The following HPSE variants were observed in gnomAD, a reference collection of about 807,000 sequenced individuals.
HPSE encodes heparanase.
HPSE carries 48 observed loss-of-function variants against 65.1 expected under a neutral mutation model. The ratio of observed to expected loss-of-function variants is 0.74; its 90% CI spans 0.58 to 0.94. The LOEUF is 0.94. HPSE is among the 40% of genes least tolerant of loss of function. The pLI is 0.00. For synonymous variants in HPSE, 243 were observed against 260.0 expected, an observed-to-expected ratio of 0.93 and a Z score of 0.63; for missense variants, 644 against 637.5, an observed-to-expected ratio of 1.01 and a Z score of -0.11.
intron 9 of HPSE, among the ~76,000 whole-genome samples, chr4:83,304,916 G>C (rs1736095517): frequency 6.6e-6 from 1 of 152,064 alleles, no homozygotes; most frequent in African/African-American, 2.4e-5. Context: ...GAGTAACATA[G>C]GACTACAGTA....
chr4:83,334,521 A>C (rs1182867554), intron 1 of HPSE, 35 bp downstream of exon 1: 2 of 1,542,192 alleles, frequency 1.3e-6, no homozygotes, highest in Non-Finnish European at 1.8e-6. Context: ...TCAGGAGGAC[A>C]GGAAAGGGGA....
At chr4:83,322,789 TTGTGTGTGTGTGTGTGTGTGTG>T (rs386400677) in intron 1 of HPSE, among the ~76,000 whole-genome samples, 1 of 104,004 alleles carries the variant, frequency 9.6e-6, no homozygotes, top group African/African-American at 3.7e-5. Context: ...AAGAGCTTGT[TTGTGTGTGTGTGTGTGTGTGTG>T]TGTGTGTGTG....
chr4:83,322,384 G>A lies in HPSE; in HGVS notation c.228-20C>T. 6.3e-7 allele frequency: 1 copy of A among 1,591,282 alleles called. No individual in the cohort carries two copies. The highest frequency in any genetic ancestry group is 1.8e-5 in the Admixed American group (1 of 54,534). On this transcript the variant is annotated intron_variant, in intron 1 of 11. Transcript: ENST00000311412. ...GGAGAACTGTTAGGAAGACAAGCAA[G>A]AAAGTATAACTATTTTTTCCAAGAC...
At chr4:83,321,843 A>G (rs911154102) in intron 2 of HPSE, among the ~76,000 whole-genome samples, 5 of 152,088 alleles carry the variant, frequency 3.3e-5, no homozygotes, top group African/African-American at 1.2e-4. Context: ...CCTTCAATCT[A>G]TCATTGTGTC....
chr4:83,319,609 G>T lies in HPSE; in HGVS notation c.374-140C>A, dbSNP rs554435865. 63 of 823,286 alleles carry T rather than the reference G, an allele frequency of 7.7e-5. 1 individual carries two copies. The East Asian group carries it at 1.7e-3, about 22-fold the overall frequency. 51.0% of individuals were successfully genotyped at this position (823,286 alleles called of 1,614,324 possible). A position where few individuals can be genotyped will look rare whatever the true frequency, so the allele number is the denominator to read the frequency against. ...TTATGAGGTAGGAGAGCAGAGAAAA[G>T]GTATATTCTGTAACACATGTCAAAT... On this transcript the variant is annotated intron_variant, in intron 2 of 11. Coordinates refer to ENST00000311412, the MANE Select transcript of HPSE (RefSeq NM_001098540.3).
chr4:83,320,141 G>T (rs1736829837), intron 2 of HPSE, among the ~76,000 whole-genome samples: 1 of 151,846 alleles, frequency 6.6e-6, no homozygotes, highest in Non-Finnish European at 1.5e-5. Flanking sequence ...TGTTTTACAT[G>T]GACTGTATCT....
chr4:83,295,246 G>T lies in HPSE; in HGVS notation c.*98C>A. ...CCCAGTGTCTCTCAAGCACCCACTA[G>T]TTGCTTTGCAAGGTATCTGCTTCCT... On this transcript the variant is annotated 3_prime_UTR_variant, in exon 12 of 12. Coordinates refer to ENST00000311412, the MANE Select transcript of HPSE (RefSeq NM_001098540.3). 1 of 1,022,200 alleles carries T rather than the reference G, an allele frequency of 9.8e-7. No individual in the cohort carries two copies. 63.3% of individuals were successfully genotyped at this position (1,022,200 alleles called of 1,614,324 possible).
rs576882288 is a variant in HPSE at position 83,330,243 on chromosome 4, T to C, written c.227+4313A>G. ...ATATGCAGCCATTACTCAAAAGGGC[T>C]ACAGGGAAGACAGTGTCATCAGAGA... On this transcript the variant is annotated intron_variant, in intron 1 of 11. Coordinates refer to ENST00000311412, the MANE Select transcript of HPSE (RefSeq NM_001098540.3). 1.6e-4 allele frequency among the ~76,000 whole-genome samples: 25 copies of C among 152,308 alleles called. No individual in the cohort carries two copies. In the South Asian group the frequency reaches 5.2e-3, roughly 32 times the overall value.
chr4:83,325,020 T>C (rs921404495), intron 1 of HPSE, among the ~76,000 whole-genome samples: 5 of 152,178 alleles, frequency 3.3e-5, no homozygotes, highest in Non-Finnish European at 7.4e-5. Flanking sequence ...TATGCCAGGA[T>C]GATAGCAATG....
intron 8 of HPSE, among the ~76,000 whole-genome samples, chr4:83,307,155 GTAA>G (rs747499962): frequency 5.3e-5 from 8 of 152,174 alleles, no homozygotes; most frequent in Non-Finnish European, 1.0e-4. Context: ...ACTGATTTGA[GTAA>G]TAATAAAACT....
chr4:83,318,030 A>G (rs4693082), intron 3 of HPSE, among the ~76,000 whole-genome samples: 1 of 151,772 alleles, frequency 6.6e-6, no homozygotes, highest in South Asian at 2.1e-4. Flanking sequence ...TTCTTATGGA[A>G]CACATTTTTT....
intron 3 of HPSE, among the ~76,000 whole-genome samples, chr4:83,318,379 C>A (rs1426680251): frequency 6.6e-6 from 1 of 152,012 alleles, no homozygotes; most frequent in Non-Finnish European, 1.5e-5. Context: ...AATCCCAGAA[C>A]TTTGGGAGGC....
chr4:83,308,306 T>C (rs1180377945), intron 8 of HPSE, among the ~76,000 whole-genome samples: 1 of 152,210 alleles, frequency 6.6e-6, no homozygotes, highest in South Asian at 2.1e-4. Flanking sequence ...CTCAGGACGC[T>C]GAGGCAGGAG....
At chr4:83,303,861 T>A (rs1055154556) in intron 9 of HPSE, among the ~76,000 whole-genome samples, 1 of 152,196 alleles carries the variant, frequency 6.6e-6, no homozygotes, top group African/African-American at 2.4e-5. Flanking sequence ...AAGTAATATA[T>A]CTGAAATTTG....
At chr4:83,311,834 C>T (rs1736392211) in intron 4 of HPSE, among the ~76,000 whole-genome samples, 1 of 150,776 alleles carries the variant, frequency 6.6e-6, no homozygotes, top group African/African-American at 2.4e-5. Context: ...TGTGCTTATC[C>T]TATTACTACA....
chr4:83,321,446 G>A lies in HPSE; in HGVS notation c.373+773C>T, dbSNP rs113510635. 1.3e-3 allele frequency among the ~76,000 whole-genome samples: 197 copies of A among 152,084 alleles called. 1 individual carries two copies. Among genetic ancestry groups the A allele is most frequent in the African/African-American group, 4.7e-3 (195 of 41,458 alleles). ...ATATACACATTATTATAATTCAGTG[G>A]TGTATACAATATTTTCAGTATTTTT... On this transcript the variant is annotated intron_variant, in intron 2 of 11. Coordinates refer to ENST00000311412, the MANE Select transcript of HPSE (RefSeq NM_001098540.3).
intron 1 of HPSE, among the ~76,000 whole-genome samples, chr4:83,332,670 A>G (rs1737426543): frequency 1.3e-5 from 2 of 152,242 alleles, no homozygotes; most frequent in Non-Finnish European, 2.9e-5. Context: ...ACTAAATTGC[A>G]GATTGGAATT....
intron 11 of HPSE, among the ~76,000 whole-genome samples, chr4:83,298,735 G>A (rs1247824962): frequency 6.6e-6 from 1 of 152,130 alleles, no homozygotes; most frequent in East Asian, 1.9e-4. Context: ...GGCTGAGGAG[G>A]AAGGATCACT....
intron 3 of HPSE, among the ~76,000 whole-genome samples, chr4:83,315,152 CAAAAA>C (rs58487256): frequency 3.0e-3 from 433 of 142,130 alleles, no homozygotes; most frequent in Middle Eastern, 7.4e-3. Flanking sequence ...GACTCTGTCT[CAAAAA>C]AAAAAAAAAA....
Sources: gnomAD v4.1 joint callset for allele counts (sites outside exome capture counted in the v4.1 genomes callset) on GRCh38, gnomAD v4.1.1 for gene constraint, MANE v1.5 for transcripts, NCBI Gene and HGNC (gene_info 2026-07-23, HGNC 2026-07-21) for gene names.